ACAP3: variants seen among roughly 807,000 people sequenced by gnomAD.
ACAP3 encodes arf-GAP with coiled-coil, ANK repeat and PH domain-containing protein 3.
ACAP3 carries 56 observed loss-of-function variants against 104.1 expected under a neutral mutation model. That is an observed-to-expected ratio of 0.54 (90% CI 0.43 to 0.67). The LOEUF (loss-of-function observed/expected upper bound fraction) is 0.67, where lower values mean the gene tolerates loss of function less well. ACAP3 is among the 30% of genes least tolerant of loss of function. ACAP3 has a pLI of 0.00. For missense variants in ACAP3, 1,208 were observed against 1,174.9 expected, an observed-to-expected ratio of 1.03 and a Z score of -0.41; for synonymous variants, 628 against 496.2, an observed-to-expected ratio of 1.27 and a Z score of -3.53.
chr1:1,298,086 G>A lies in ACAP3; in HGVS notation c.943C>T (p.Leu315Phe), dbSNP rs1557602635. The A allele has an allele frequency of 3.1e-6, 5 of 1,609,426 alleles. No individual in the cohort carries two copies. The highest frequency in any genetic ancestry group is 4.2e-6 in the Non-Finnish European group (5 of 1,178,466). Residue 315 changes from leucine to phenylalanine, a missense_variant, in exon 13 of 24, where the codon CTC (leucine) becomes TTC (phenylalanine). Transcript: ENST00000354700. Reference sequence around the variant, plus strand: ...CACGGCTTCACAGAGCACAGGCGGAGGTCATCCACCACCACGGTGAGGGCA... The same window carrying A: ...CACGGCTTCACAGAGCACAGGCGGAAGTCATCCACCACCACGGTGAGGGCA... ...KDALTVVVDDLRLCSVKPCED... is the reference protein window; with the variant it reads ...KDALTVVVDDFRLCSVKPCED...
In ACAP3 at chr1:1,300,704, G is replaced by A. The variant is rs756465393; in HGVS notation, c.339-12C>T. ...ACTTCCGCACATCCCTGGAGGCCAAGTGCCAGGTGGGGTGAGAGATCAGGG... is the reference window on the plus strand; with the variant it reads ...ACTTCCGCACATCCCTGGAGGCCAAATGCCAGGTGGGGTGAGAGATCAGGG... On this transcript the variant is annotated splice_polypyrimidine_tract_variant and intron_variant, in intron 5 of 23. Coordinates refer to ENST00000354700, the MANE Select transcript of ACAP3 (RefSeq NM_030649.3). The A allele has an allele frequency of 1.2e-6, 2 of 1,604,172 alleles. No homozygotes were observed. Among genetic ancestry groups the A allele is most frequent in the South Asian group, 1.1e-5 (1 of 89,404 alleles).
At position 1,293,575 on chromosome 1, in the gene ACAP3, C is replaced by T. The variant is rs751065016; in HGVS notation, c.2494G>A (p.Glu832Lys). Residue 832 changes from glutamate (E) to lysine (K), a missense_variant, in exon 24 of 24, where the codon GAA becomes AAA. By Grantham distance (56) the Glu-to-Lys change is moderately conservative (BLOSUM62 1). Transcript: ENST00000354700. The part of the protein sequence containing the change: ...CIQEFISLHL[E>K]ES Reference sequence around the variant, plus strand: ...CGGCCTGCCCGGCCCTAGCTCTCTTCCAGGTGGAGGCTGATGAACTCCTGG... The same window carrying T: ...CGGCCTGCCCGGCCCTAGCTCTCTTTCAGGTGGAGGCTGATGAACTCCTGG... The T allele has an allele frequency of 4.1e-6, 6 of 1,473,024 alleles. No individual in the cohort carries two copies. The highest frequency in any genetic ancestry group is 5.4e-6 in the Non-Finnish European group (6 of 1,114,640). The allele number at this position is 1,473,024 out of a possible 1,614,324, so 91.2% of individuals were successfully genotyped here.
At position 1,303,954 on chromosome 1, in the gene ACAP3, G is replaced by T; in HGVS notation, c.105+132C>A. 3.7e-6 allele frequency: 4 copies of T among 1,084,002 alleles called. No homozygotes were observed. Among genetic ancestry groups the T allele is most frequent in the Non-Finnish European group, 5.3e-6 (4 of 749,114 alleles). 67.1% of individuals were successfully genotyped at this position (1,084,002 alleles called of 1,614,324 possible). A position where few individuals can be genotyped will look rare whatever the true frequency, so the allele number is the denominator to read the frequency against. The stretch of plus-strand genomic sequence containing the variant: ...CACACATGCTAAGACACAGGGACCA[G>T]GACCTGGAGCACCACACGCATGCTC... On this transcript the variant is annotated intron_variant, in intron 2 of 23. Transcript: ENST00000354700. This position sits in a 1 kb window ranked among gnomAD's most constrained non-coding sequence, Gnocchi z 4.0.
Position 1,294,789 on chromosome 1 carries a change from C to T in ACAP3, c.1841G>A (p.Gly614Asp), listed in dbSNP as rs1434502234. Reference protein sequence around the residue: ...RSLSSDSGLGGSSDGSSDVLA... With the variant: ...RSLSSDSGLGDSSDGSSDVLA... ...GACGTCCGAGCTGCCATCCGAGCTG[C>T]CCCCAAGGCCACTGTCGCTACTCAG... Residue 614 changes from glycine to aspartate, a missense_variant, in exon 20 of 24, where the codon GGC becomes GAC. Gly to Asp is a moderately conservative substitution (Grantham distance 94). Coordinates refer to ENST00000354700, the MANE Select transcript of ACAP3 (RefSeq NM_030649.3). The T allele has an allele frequency of 2.6e-6, 4 of 1,549,950 alleles. No homozygotes were observed. Among genetic ancestry groups the T allele is most frequent in the Admixed American group, 2.0e-5 (1 of 50,986 alleles).
At chr1:1,301,456 G>A (rs1641443039) in intron 5 of ACAP3, 1 of 130,170 alleles carries the variant, frequency 7.7e-6, no homozygotes, top group Non-Finnish European at 1.6e-5. Flanking sequence ...TTGTAGAGAT[G>A]GAGGTCTCAT....
chr1:1,302,370 C>T (rs1328568954), intron 4 of ACAP3, among the ~76,000 whole-genome samples: 1 of 152,150 alleles, frequency 6.6e-6, no homozygotes, highest in Non-Finnish European at 1.5e-5. Flanking sequence ...ATCCCTGCAG[C>T]AGGGAGCACT....
At chr1:1,307,215 A>G (rs1199901845) in intron 1 of ACAP3, 2 of 1,287,140 alleles carry the variant, frequency 1.6e-6, no homozygotes, top group Non-Finnish European at 2.0e-6. Context: ...GATGGAAAAC[A>G]TGCAGACTCG....
chr1:1,293,513 C>T lies in ACAP3; in HGVS notation c.*51G>A, dbSNP rs1260081391. 1.3e-5 allele frequency: 18 copies of T among 1,387,046 alleles called. No individual in the cohort carries two copies. In the African/African-American group the frequency reaches 2.7e-4, roughly 20 times the overall value. The allele number at this position is 1,387,046 out of a possible 1,614,324, so 85.9% of individuals were successfully genotyped here. A position where few individuals can be genotyped will look rare whatever the true frequency, so the allele number is the denominator to read the frequency against. On this transcript the variant is annotated 3_prime_UTR_variant, in exon 24 of 24. Transcript: ENST00000354700. ...CGGGTGGGCGCCAGGGACTTCGGGG[C>T]ATGCGGGGCGTCGGGCCGGGCGGGG... is the stretch of plus-strand genomic sequence containing the variant.
At position 1,300,216 on chromosome 1, in the gene ACAP3, A is replaced by G; in HGVS notation, c.523-14T>C. 2 of 1,599,154 alleles carry G rather than the reference A, an allele frequency of 1.3e-6. No homozygotes were observed. Among genetic ancestry groups the G allele is most frequent in the East Asian group, 2.2e-5 (1 of 44,684 alleles). On this transcript the variant is annotated splice_polypyrimidine_tract_variant and intron_variant, in intron 6 of 23. Transcript: ENST00000354700. ...CAGAACATTGATCTGCCAGAGGGGG[A>G]GCCCACAGGTGAGCCCCGGAGGCTG...
chr1:1,299,389 GA>G, intron 9 of ACAP3, 33 bp from the exon 10 acceptor site: 1 of 1,522,420 alleles, frequency 6.6e-7, no homozygotes, highest in Non-Finnish European at 8.8e-7. Context: ...GGTAGGGGGA[GA>G]AAGCCAGTGA....
Position 1,296,833 on chromosome 1 carries a change from G to A in ACAP3, c.1129-200C>T, listed in dbSNP as rs564013173. On this transcript the variant is annotated intron_variant, in intron 14 of 23. Transcript: ENST00000354700. ...CACACGCCCGCACACGCACACACGC[G>A]CACACCCTCACGTGGACAGGTGGCG... 8.2e-5 allele frequency among the ~76,000 whole-genome samples: 12 copies of A among 146,674 alleles called. No homozygotes were observed. The South Asian group carries it at 8.8e-4, about 11-fold the overall frequency.
chr1:1,294,479 G>T lies in ACAP3; in HGVS notation c.2062C>A (p.Leu688Met). 6.4e-7 allele frequency: 1 copy of T among 1,550,478 alleles called. No individual in the cohort carries two copies. Among genetic ancestry groups the T allele is most frequent in the Non-Finnish European group, 8.7e-7 (1 of 1,154,788 alleles). Residue 688 changes from leucine to methionine, a missense_variant, in exon 21 of 24, where the codon CTG becomes ATG. Transcript: ENST00000354700. ...CAGTTGACCTCGGCCCCGTGGGCCAGCGCCGCCGCCAGCGCAGGAAGGTCG... is the reference window on the plus strand; with the variant it reads ...CAGTTGACCTCGGCCCCGTGGGCCATCGCCGCCGCCAGCGCAGGAAGGTCG... ...ARDLPALAAA[L>M]AHGAEVNWAD...
chr1:1,295,648 C>A, intron 18 of ACAP3, 88 bp downstream of exon 18: 2 of 1,552,238 alleles, frequency 1.3e-6, no homozygotes, highest in Non-Finnish European at 1.7e-6. Flanking sequence ...CCTGAGGTGC[C>A]CCCAGAGCCC....
intron 21 of ACAP3, 45 bp downstream of exon 21, chr1:1,294,357 G>T: frequency 2.0e-6 from 3 of 1,537,236 alleles, no homozygotes; most frequent in South Asian, 2.4e-5. Flanking sequence ...ATGCAAACGC[G>T]ACTGTGCACC....
In ACAP3 at chr1:1,295,422, C is replaced by T. The variant is rs540389814; in HGVS notation, c.1813+25G>A. 41 of 1,605,628 alleles carry T rather than the reference C, an allele frequency of 2.6e-5. No homozygotes were observed. In the East Asian group the frequency reaches 8.5e-4, roughly 33 times the overall value. On this transcript the variant is annotated intron_variant, in intron 19 of 23. Transcript: ENST00000354700. ...AGCCTCCTTGGCCCTGCCCTGCCAC[C>T]TGGCTGGGCCCACCCCACACTTACT...
intron 6 of ACAP3, 66 bp downstream of exon 6, chr1:1,300,443 C>A: frequency 6.7e-7 from 1 of 1,500,518 alleles, no homozygotes; most frequent in Non-Finnish European, 9.0e-7. Flanking sequence ...CAGTTCTGTA[C>A]AAGGCCGTTG....
Position 1,298,564 on chromosome 1 carries a change from C to G in ACAP3, c.863+3G>C. 1 of 1,602,082 alleles carries G rather than the reference C, an allele frequency of 6.2e-7. No individual in the cohort carries two copies. The highest frequency in any genetic ancestry group is 8.5e-7 in the Non-Finnish European group (1 of 1,171,370). On this transcript the variant is annotated splice_donor_region_variant and intron_variant, in intron 11 of 23. Coordinates refer to ENST00000354700, the MANE Select transcript of ACAP3 (RefSeq NM_030649.3). ...CCGCCCCCACCTGAGGAAGGCCTCT[C>G]ACCGGTTCCATGTCTTGAAAGCGTT...
Position 1,303,029 on chromosome 1 carries a change from C to T in ACAP3, c.226-54G>A. On this transcript the variant is annotated intron_variant, in intron 3 of 23. Coordinates refer to ENST00000354700, the MANE Select transcript of ACAP3 (RefSeq NM_030649.3). The surrounding 1 kb of genome is among the most constrained non-coding windows in gnomAD (Gnocchi z 4.0). Reference sequence around the variant, plus strand: ...AGATGGCAAATCCGGGCCCAGGTCACCCAGCCACGCCCTCTGAGCCCCTGG... The same window carrying T: ...AGATGGCAAATCCGGGCCCAGGTCATCCAGCCACGCCCTCTGAGCCCCTGG... 1 of 1,573,536 alleles carries T rather than the reference C, an allele frequency of 6.4e-7. No individual in the cohort carries two copies. The highest frequency in any genetic ancestry group is 8.6e-7 in the Non-Finnish European group (1 of 1,158,742).
At chr1:1,294,319 G>A (rs1570627097) in intron 21 of ACAP3, 83 bp downstream of exon 21, 2 of 1,518,714 alleles carry the variant, frequency 1.3e-6, no homozygotes, top group Non-Finnish European at 1.8e-6. Flanking sequence ...ACCGCGGACA[G>A]GCGACCCTTG....
Sources: allele counts gnomAD v4.1 joint callset (sites outside exome capture counted in the v4.1 genomes callset), GRCh38; gene constraint gnomAD v4.1.1; non-coding constraint Gnocchi (gnomAD v3.1); transcripts MANE v1.5; gene names NCBI Gene and HGNC (gene_info 2026-07-23, HGNC 2026-07-21).